The following ASAP1 variants were observed in gnomAD, a reference collection of about 807,000 sequenced individuals.
ASAP1 encodes the protein ArfGAP with SH3 domain, ankyrin repeat and PH domain 1, also known as arf-GAP with SH3 domain, ANK repeat and PH domain-containing protein 1.
ASAP1 carries 43 observed loss-of-function variants against 145.2 expected under a neutral mutation model. That is an observed-to-expected ratio of 0.30 (90% CI 0.23 to 0.38). ASAP1 has a LOEUF of 0.38. Among genes scored for constraint, ASAP1 ranks in the 10% least tolerant of loss-of-function variants. The pLI is 1.00. For missense variants in ASAP1, 1,018 were observed against 1,355.3 expected (o/e 0.75, Z 3.91); for synonymous variants, 546 against 515.5 (o/e 1.06, Z -0.80).
chr8:130,156,871 A>C (rs2135990969), intron 12 of ASAP1, among the ~76,000 whole-genome samples: 1 of 152,346 alleles, frequency 6.6e-6, no homozygotes, highest in Non-Finnish European at 1.5e-5. Context: ...ACACTTAAGA[A>C]AAGACTGTTG....
intron 2 of ASAP1, among the ~76,000 whole-genome samples, chr8:130,400,625 A>G (rs892941917): frequency 2.6e-5 from 4 of 151,896 alleles, no homozygotes; most frequent in African/African-American, 9.7e-5. Context: ...TCTCTACTAA[A>G]AAAAAATACA....
At chr8:130,234,092 G>C (rs1230016944) in intron 4 of ASAP1, among the ~76,000 whole-genome samples, 2 of 152,106 alleles carry the variant, frequency 1.3e-5, no homozygotes, top group African/African-American at 4.8e-5. Context: ...ACAAAGGTAA[G>C]AATCATTATC....
rs78641170 is a variant in ASAP1 at position 130,156,088 on chromosome 8, T to C, written c.1011-3283A>G. On this transcript the variant is annotated intron_variant, in intron 12 of 29. Transcript: ENST00000518721. ...AAAATATAATAAAGCAATTGCTCCTTTGTCTCTCAATAATTGCCTCTGGTC... is the reference window on the plus strand; with the variant it reads ...AAAATATAATAAAGCAATTGCTCCTCTGTCTCTCAATAATTGCCTCTGGTC... 9.2e-5 allele frequency among the ~76,000 whole-genome samples: 14 copies of C among 152,346 alleles called. No individual in the cohort carries two copies. In the East Asian group the frequency reaches 2.5e-3, roughly 27 times the overall value.
In ASAP1 at chr8:130,276,687, AACAC is replaced by A. The variant is rs1161892776; in HGVS notation, c.187-39697_187-39694del. Among the ~76,000 whole-genome samples the A allele has an allele frequency of 5.5e-3, 506 of 91,620 alleles. 3 individuals carry two copies. The highest frequency in any genetic ancestry group is 0.011 in the African/African-American group (269 of 23,756). The allele number at this position is 91,620 out of a possible 152,430, so 60.1% of individuals were successfully genotyped here. A position where few individuals can be genotyped will look rare whatever the true frequency, so the allele number is the denominator to read the frequency against. ...ACGTGAACTGAGAGCCAAGACTGCA[AACAC>A]ACACACACACACACACACACACACA... is the stretch of plus-strand genomic sequence containing the variant. On this transcript the variant is annotated intron_variant, in intron 3 of 29. Transcript: ENST00000518721.
chr8:130,373,849 G>GAAAAAAA (rs1170269915), intron 2 of ASAP1, among the ~76,000 whole-genome samples: 5 of 50,884 alleles, frequency 9.8e-5, no homozygotes, highest in Admixed American at 5.5e-4. Flanking sequence ...GGAGTCTCCA[G>GAAAAAAA]AAAAAAAAAA....
At chr8:130,271,898 ATCTT>A (rs1345221994) in intron 3 of ASAP1, among the ~76,000 whole-genome samples, 2 of 152,312 alleles carry the variant, frequency 1.3e-5, no homozygotes. Flanking sequence ...AATGTATAAA[ATCTT>A]TATGGAAATA....
intron 24 of ASAP1, among the ~76,000 whole-genome samples, chr8:130,107,747 C>T (rs1168739253): frequency 6.6e-6 from 1 of 151,932 alleles, no homozygotes; most frequent in Non-Finnish European, 1.5e-5. Context: ...TAGGGTTTCA[C>T]CATATTGGCC....
intron 29 of ASAP1, among the ~76,000 whole-genome samples, chr8:130,056,878 G>C (rs1157627910): frequency 6.6e-6 from 1 of 152,132 alleles, no homozygotes; most frequent in Non-Finnish European, 1.5e-5. Context: ...CTTATTCACT[G>C]TACCTTGGCC....
At chr8:130,271,378 G>T (rs528583008) in intron 3 of ASAP1, among the ~76,000 whole-genome samples, 1 of 152,262 alleles carries the variant, frequency 6.6e-6, no homozygotes, top group East Asian at 1.9e-4. Flanking sequence ...CTGCTTGTAG[G>T]CCACACAGTT....
chr8:130,066,891 C>A (rs963519841), intron 27 of ASAP1, among the ~76,000 whole-genome samples: 5 of 152,166 alleles, frequency 3.3e-5, no homozygotes, highest in African/African-American at 1.2e-4. Flanking sequence ...TGTGAAGAGG[C>A]CCTGTTGGGT....
chr8:130,130,889 G>A (rs1586391467), intron 15 of ASAP1, among the ~76,000 whole-genome samples: 4 of 151,958 alleles, frequency 2.6e-5, no homozygotes, highest in South Asian at 4.1e-4. Flanking sequence ...AAAAAGCCAC[G>A]CTCACGCCTG....
chr8:130,427,545 C>A (rs1365846739), intron 1 of ASAP1, among the ~76,000 whole-genome samples: 1 of 152,156 alleles, frequency 6.6e-6, no homozygotes, highest in Admixed American at 6.5e-5. Flanking sequence ...CTCCACCATA[C>A]TCTGCAGGGG....
intron 3 of ASAP1, among the ~76,000 whole-genome samples, chr8:130,262,314 G>A (rs1250323256): frequency 6.9e-6 from 1 of 145,216 alleles, no homozygotes; most frequent in Non-Finnish European, 1.5e-5. Flanking sequence ...ACAATAGCTT[G>A]AACTCGGGGG....
At chr8:130,207,705 T>C (rs1266377604) in intron 5 of ASAP1, among the ~76,000 whole-genome samples, 1 of 152,124 alleles carries the variant, frequency 6.6e-6, no homozygotes, top group Admixed American at 6.6e-5. Context: ...ACAAATATAG[T>C]AAAAACAACA....
chr8:130,373,849 GAA>G (rs1170269915), intron 2 of ASAP1, among the ~76,000 whole-genome samples: 44 of 50,906 alleles, frequency 8.6e-4, no homozygotes, highest in East Asian at 8.2e-3. Context: ...GGAGTCTCCA[GAA>G]AAAAAAAAAA....
intron 5 of ASAP1, among the ~76,000 whole-genome samples, chr8:130,193,378 C>A (rs1451523144): frequency 2.6e-5 from 4 of 151,170 alleles, no homozygotes; most frequent in Non-Finnish European, 5.9e-5. Context: ...AAAAAAAAAA[C>A]CCCAAAAAAC....
At chr8:130,432,560 A>T (rs2138789927) in intron 1 of ASAP1, among the ~76,000 whole-genome samples, 1 of 152,260 alleles carries the variant, frequency 6.6e-6, no homozygotes, top group South Asian at 2.1e-4. Flanking sequence ...GAAAACTCCC[A>T]TCAGAATAGT....
In ASAP1 at chr8:130,330,425, C is replaced by G. The variant is rs150203856; in HGVS notation, c.186+27592G>C. On this transcript the variant is annotated intron_variant, in intron 3 of 29. Coordinates refer to ENST00000518721, the MANE Select transcript of ASAP1 (RefSeq NM_018482.4). ...GCAATCTGAATTATCACAGCTCTGA[C>G]CGGTCTATGCTATATTGCAGCTAAC... Among the ~76,000 whole-genome samples, 60 of 152,382 alleles carry G rather than the reference C, an allele frequency of 3.9e-4. No individual in the cohort carries two copies. In the South Asian group the frequency reaches 4.8e-3, roughly 12 times the overall value.
chr8:130,353,532 T>G (rs1299774518), intron 3 of ASAP1, among the ~76,000 whole-genome samples: 2 of 152,334 alleles, frequency 1.3e-5, no homozygotes, highest in East Asian at 3.9e-4. Flanking sequence ...TATGTTTTTG[T>G]AGACATTTAG....
Sources: gnomAD v4.1 joint callset for allele counts (sites outside exome capture counted in the v4.1 genomes callset) on GRCh38, gnomAD v4.1.1 for gene constraint, MANE v1.5 for transcripts, NCBI Gene and HGNC (gene_info 2026-07-23, HGNC 2026-07-21) for gene names.